SV2B: variants seen among roughly 807,000 people sequenced by gnomAD.
The protein encoded by SV2B is solute carrier family 22 member B2.
Under a neutral mutation model 73.9 loss-of-function variants are expected in SV2B, and 41 were observed. That is an observed-to-expected ratio of 0.56 (90% confidence interval 0.43 to 0.72). SV2B has a LOEUF of 0.72. SV2B is among the 30% of genes least tolerant of loss of function. The pLI is 0.00. For synonymous variants in SV2B, 314 were observed against 314.2 expected, an observed-to-expected ratio of 1.00 and a Z score of 0.01; for missense variants, 764 against 857.8, an observed-to-expected ratio of 0.89 and a Z score of 1.37.
At chr15:91,270,604 C>T (rs1035959748) in intron 9 of SV2B, among the ~76,000 whole-genome samples, 2 of 152,224 alleles carry the variant, frequency 1.3e-5, no homozygotes, top group Non-Finnish European at 2.9e-5. Context: ...AACGCAGAGT[C>T]CTTGTGATTT....
At chr15:91,209,161 G>C (rs1439487241) in intron 1 of SV2B, among the ~76,000 whole-genome samples, 6 of 115,486 alleles carry the variant, frequency 5.2e-5, no homozygotes, top group Non-Finnish European at 9.9e-5. Context: ...TTGCTCTGTT[G>C]CCCAGGCTGG....
chr15:91,268,335 A>C lies in SV2B; in HGVS notation c.1209-106A>C. ...AGATTTTCTAATAATGAACCAAATT[A>C]ATGTATTTTCAATGAGTTTGATCTG... On this transcript the variant is annotated intron_variant, in intron 8 of 12. Transcript: ENST00000394232. The surrounding 1 kb of genome is among the most constrained non-coding windows in gnomAD (Gnocchi z 4.4). The C allele has an allele frequency of 8.9e-7, 1 of 1,125,780 alleles. No homozygotes were observed. Among genetic ancestry groups the C allele is most frequent in the Non-Finnish European group, 1.2e-6 (1 of 814,140 alleles). 69.7% of individuals were successfully genotyped at this position (1,125,780 alleles called of 1,614,324 possible). A position where few individuals can be genotyped will look rare whatever the true frequency, so the allele number is the denominator to read the frequency against.
Position 91,140,687 on chromosome 15 carries a change from G to A in SV2B, c.-392+40324G>A, listed in dbSNP as rs577945362. ...ACACTAGGCTTCCTGGACTAACCAGGACTGGGTGTGAGACATGTACTAGAT... is the reference window on the plus strand; with the variant it reads ...ACACTAGGCTTCCTGGACTAACCAGAACTGGGTGTGAGACATGTACTAGAT... On this transcript the variant is annotated intron_variant, in intron 1 of 12. Transcript: ENST00000394232. The surrounding 1 kb of genome is among the most constrained non-coding windows in gnomAD (Gnocchi z 4.4). Among the ~76,000 whole-genome samples the A allele has an allele frequency of 9.9e-5, 15 of 152,192 alleles. No homozygotes were observed. The highest frequency in any genetic ancestry group is 2.4e-4 in the African/African-American group (10 of 41,522).
chr15:91,114,416 GGAT>G (rs1438534685), intron 1 of SV2B, among the ~76,000 whole-genome samples: 3 of 152,130 alleles, frequency 2.0e-5, no homozygotes, highest in African/African-American at 7.2e-5. Flanking sequence ...CTCTATATTT[GGAT>G]GATAACTCTC....
At chr15:91,269,558 CT>C (rs927169286) in intron 9 of SV2B, among the ~76,000 whole-genome samples, 4 of 152,222 alleles carry the variant, frequency 2.6e-5, no homozygotes, top group Non-Finnish European at 5.9e-5. Context: ...GTATCTCCCT[CT>C]GTCTGCACCC....
intron 11 of SV2B, among the ~76,000 whole-genome samples, chr15:91,287,879 G>GA (rs1303246523): frequency 1.3e-5 from 2 of 152,172 alleles, no homozygotes; most frequent in Non-Finnish European, 1.5e-5. Context: ...AGGACAAGGG[G>GA]GGATAATTGC....
In SV2B at chr15:91,226,667, G is replaced by C. The variant is rs2046394037; in HGVS notation, c.404G>C (p.Ser135Thr). 1 of 1,613,452 alleles carries C rather than the reference G, an allele frequency of 6.2e-7. No homozygotes were observed. Among genetic ancestry groups the C allele is most frequent in the African/African-American group, 1.3e-5 (1 of 75,028 alleles). ...EVFVVSFALP[S>T]AEKDMCLSSS... ...TTCGTGGTGAGTTTTGCCCTGCCCA[G>C]TGCAGAGAAGGACATGTGTCTGTCC... Residue 135 changes from serine to threonine, a missense_variant, in exon 2 of 13, where the codon AGT becomes ACT. Physicochemically the swap from Ser to Thr is moderately conservative, Grantham distance 58. Transcript: ENST00000394232.
intron 1 of SV2B, among the ~76,000 whole-genome samples, chr15:91,179,840 T>G (rs1046661154): frequency 9.2e-5 from 14 of 152,146 alleles, no homozygotes; most frequent in South Asian, 2.1e-4. Flanking sequence ...TCTTGACTCT[T>G]TATCCAATTT....
At chr15:91,125,934 G>GTGATGA (rs978647267) in intron 1 of SV2B, among the ~76,000 whole-genome samples, 3 of 151,932 alleles carry the variant, frequency 2.0e-5, no homozygotes, top group South Asian at 2.1e-4. Flanking sequence ...AATGGTGGTG[G>GTGATGA]TGATGATGAT....
At chr15:91,222,664 G>A (rs1054667975) in intron 1 of SV2B, among the ~76,000 whole-genome samples, 11 of 152,160 alleles carry the variant, frequency 7.2e-5, no homozygotes, top group Admixed American at 6.5e-4. Flanking sequence ...CTTTCACTCT[G>A]TATCATCCCT....
At chr15:91,192,479 A>G (rs532225613) in intron 1 of SV2B, among the ~76,000 whole-genome samples, 1 of 152,320 alleles carries the variant, frequency 6.6e-6, no homozygotes, top group African/African-American at 2.4e-5. Flanking sequence ...TTTAAACTTC[A>G]GGTTCCTCAT....
intron 1 of SV2B, among the ~76,000 whole-genome samples, chr15:91,195,908 A>G (rs943836828): frequency 6.6e-6 from 1 of 152,246 alleles, no homozygotes; most frequent in Middle Eastern, 3.2e-3. Flanking sequence ...CATCAGCATC[A>G]GGATGAGAGA....
Position 91,122,156 on chromosome 15 carries a change from A to G in SV2B, c.-392+21793A>G, listed in dbSNP as rs1354200344. On this transcript the variant is annotated intron_variant, in intron 1 of 12. Transcript: ENST00000394232. This position sits in a 1 kb window ranked among gnomAD's most constrained non-coding sequence, Gnocchi z 4.3. ...CTGAACTCCCAATATGTGCTAAACC[A>G]TCTCCTCTTTGGACTCCCACTATCT... Among the ~76,000 whole-genome samples, 2 of 152,156 alleles carry G rather than the reference A, an allele frequency of 1.3e-5. No individual in the cohort carries two copies. Among genetic ancestry groups the G allele is most frequent in the Non-Finnish European group, 2.9e-5 (2 of 68,042 alleles).
intron 1 of SV2B, among the ~76,000 whole-genome samples, chr15:91,108,033 T>C (rs1405073655): frequency 2.0e-5 from 3 of 152,188 alleles, no homozygotes; most frequent in Non-Finnish European, 4.4e-5. Flanking sequence ...ATGATGATGA[T>C]AGTAATCATA....
chr15:91,191,671 A>G (rs1351374661), intron 1 of SV2B, among the ~76,000 whole-genome samples: 2 of 152,220 alleles, frequency 1.3e-5, no homozygotes, highest in Admixed American at 1.3e-4. Flanking sequence ...GCCATTTGAA[A>G]CAAATGTCTG....
rs116032680 is a variant in SV2B, at chr15:91,291,576, A to G, written c.1869-793A>G. Among the ~76,000 whole-genome samples, 61 of 152,354 alleles carry G rather than the reference A, an allele frequency of 4.0e-4. 1 individual carries two copies. Among genetic ancestry groups the G allele is most frequent in the African/African-American group, 1.4e-3 (60 of 41,576 alleles). ...AAAGTGTGATTGAAAGATCATAATTAGGATTAGGTTTTGCTGTTGCTGACA... is the reference window on the plus strand; with the variant it reads ...AAAGTGTGATTGAAAGATCATAATTGGGATTAGGTTTTGCTGTTGCTGACA... On this transcript the variant is annotated intron_variant, in intron 12 of 12. Coordinates refer to ENST00000394232, the MANE Select transcript of SV2B (RefSeq NM_001323032.3).
At chr15:91,148,654 C>T (rs1482955005) in intron 1 of SV2B, among the ~76,000 whole-genome samples, 1 of 152,130 alleles carries the variant, frequency 6.6e-6, no homozygotes, top group African/African-American at 2.4e-5. Flanking sequence ...AAAATATACA[C>T]ATATATTATA....
At chr15:91,113,296 T>C (rs771806783) in intron 1 of SV2B, among the ~76,000 whole-genome samples, 1 of 152,258 alleles carries the variant, frequency 6.6e-6, no homozygotes, top group Non-Finnish European at 1.5e-5. Context: ...GGTGTGCTCT[T>C]CCAGGCTCCT....
intron 1 of SV2B, among the ~76,000 whole-genome samples, chr15:91,147,620 A>G (rs1002354022): frequency 3.9e-5 from 6 of 152,168 alleles, no homozygotes; most frequent in Admixed American, 1.3e-4. Flanking sequence ...CCCGAAGGCC[A>G]TAGGCTTTTG....
Sources: allele counts gnomAD v4.1 joint callset (sites outside exome capture counted in the v4.1 genomes callset), GRCh38; gene constraint gnomAD v4.1.1; non-coding constraint Gnocchi (gnomAD v3.1); transcripts MANE v1.5; gene names NCBI Gene and HGNC (gene_info 2026-07-23, HGNC 2026-07-21).